BCAS4: variants seen among roughly 807,000 people sequenced by gnomAD.
BCAS4 encodes the protein breast carcinoma amplified sequence 4.
BCAS4 carries 9 observed loss-of-function variants against 15.7 expected under a neutral mutation model. That is an observed-to-expected ratio of 0.57 (90% CI 0.34 to 1.00). The LOEUF (loss-of-function observed/expected upper bound fraction) is 1.00, where lower values mean the gene tolerates loss of function less well. Among genes scored for constraint, BCAS4 ranks in the 50% least tolerant of loss-of-function variants. The probability of loss-of-function intolerance (pLI) is 0.02; values close to 1 mark genes in which losing one functional copy is unlikely to be tolerated. For synonymous variants in BCAS4, 101 were observed against 99.5 expected (o/e 1.02, Z -0.09); for missense variants, 225 against 239.1 (o/e 0.94, Z 0.39).
intron 4 of BCAS4, chr20:50,876,000 G>A: frequency 2.2e-6 from 1 of 455,908 alleles, no homozygotes. Context: ...TTTCTAGGTG[G>A]AGTGCAGTGG....
chr20:50,849,790 T>C (rs1369839568), intron 4 of BCAS4, among the ~76,000 whole-genome samples: 3 of 152,160 alleles, frequency 2.0e-5, no homozygotes, highest in African/African-American at 7.2e-5. Flanking sequence ...AATCTTCCCA[T>C]GTCAAAAAGT....
At chr20:50,862,551 G>A (rs920812594) in intron 4 of BCAS4, among the ~76,000 whole-genome samples, 2 of 145,480 alleles carry the variant, frequency 1.4e-5, no homozygotes, top group South Asian at 4.2e-4. Flanking sequence ...TGAGATGCAC[G>A]GGCACAGCCA....
intron 4 of BCAS4, chr20:50,875,946 C>G (rs1458302650): frequency 2.2e-6 from 1 of 456,090 alleles, no homozygotes; most frequent in Middle Eastern, 3.2e-4. Context: ...ATTGATCTGC[C>G]TGGCTTTTTC....
rs1009269169 is a variant in BCAS4, at chr20:50,859,983, A to G, written c.400-16503A>G. ...AGGGAGACCCCCATCTCAAAAGAAAAGAATTAGTTGGGCATAGTAGCATAT... is the reference window on the plus strand; with the variant it reads ...AGGGAGACCCCCATCTCAAAAGAAAGGAATTAGTTGGGCATAGTAGCATAT... On this transcript the variant is annotated intron_variant, in intron 4 of 4. Transcript: ENST00000371608. Among the ~76,000 whole-genome samples the G allele has an allele frequency of 6.0e-4, 91 of 152,124 alleles. 1 individual carries two copies. The highest frequency in any genetic ancestry group is 2.2e-3 in the African/African-American group (90 of 41,414).
At chr20:50,867,052 T>G (rs1979393339) in intron 4 of BCAS4, among the ~76,000 whole-genome samples, 1 of 152,088 alleles carries the variant, frequency 6.6e-6, no homozygotes, top group South Asian at 2.1e-4. Context: ...AAAAAAAAAT[T>G]ATAGAATTAG....
intron 4 of BCAS4, among the ~76,000 whole-genome samples, chr20:50,844,909 A>G (rs1018782382): frequency 8.5e-5 from 13 of 152,058 alleles, no homozygotes; most frequent in African/African-American, 3.1e-4. Flanking sequence ...CAGCAACCCC[A>G]GTGTGTTGTT....
chr20:50,838,391 G>A (rs775293545), intron 3 of BCAS4, among the ~76,000 whole-genome samples: 1 of 152,216 alleles, frequency 6.6e-6, no homozygotes, highest in Non-Finnish European at 1.5e-5. Context: ...TATGAGATCA[G>A]GTGCTCAGGG....
In BCAS4 at chr20:50,876,819, T is replaced by C; in HGVS notation, c.*211T>C. 4.0e-6 allele frequency: 2 copies of C among 497,188 alleles called. No homozygotes were observed. The highest frequency in any genetic ancestry group is 6.1e-6 in the Non-Finnish European group (2 of 325,408). The allele number at this position is 497,188 out of a possible 1,614,324, so 30.8% of individuals were successfully genotyped here. A position where few individuals can be genotyped will look rare whatever the true frequency, so the allele number is the denominator to read the frequency against. ...TTGGCCTTCCAAAGTGGTGGGATTA[T>C]GGGCAGGAGCCTCCGTGCCCAGGCT... On this transcript the variant is annotated 3_prime_UTR_variant, in exon 5 of 5. Transcript: ENST00000371608.
intron 4 of BCAS4, among the ~76,000 whole-genome samples, chr20:50,845,091 C>G (rs930720263): frequency 6.6e-6 from 1 of 152,122 alleles, no homozygotes; most frequent in Non-Finnish European, 1.5e-5. Context: ...GTAGTCGCCT[C>G]ACACCCCACC....
At chr20:50,842,243 G>T (rs1258797488) in intron 4 of BCAS4, among the ~76,000 whole-genome samples, 1 of 152,212 alleles carries the variant, frequency 6.6e-6, no homozygotes, top group Non-Finnish European at 1.5e-5. Context: ...CGGCCAGGTT[G>T]CCCTTCCTGA....
At position 50,841,917 on chromosome 20, in the gene BCAS4, G is replaced by A. The variant is rs370380983; in HGVS notation, c.399+17G>A. 64 of 1,546,084 alleles carry A rather than the reference G, an allele frequency of 4.1e-5. No homozygotes were observed. Among genetic ancestry groups the A allele is most frequent in the African/African-American group, 2.5e-4 (18 of 72,152 alleles). ...TTCAGGAACGTGAGTATCCTGCCCC[G>A]AGAAGTGAGGGGAGGGCCTCTCCCC... On this transcript the variant is annotated intron_variant, in intron 4 of 4. Transcript: ENST00000371608.
At chr20:50,835,597 C>G (rs918132831) in intron 3 of BCAS4, among the ~76,000 whole-genome samples, 1 of 152,092 alleles carries the variant, frequency 6.6e-6, no homozygotes, top group African/African-American at 2.4e-5. Context: ...GGAGCCAGGA[C>G]TGCTGAGGGA....
intron 4 of BCAS4, among the ~76,000 whole-genome samples, chr20:50,857,212 A>G (rs1412534909): frequency 6.6e-6 from 1 of 152,116 alleles, no homozygotes; most frequent in Non-Finnish European, 1.5e-5. Context: ...GCTCACCGCA[A>G]CCTGGGCCTC....
intron 1 of BCAS4, among the ~76,000 whole-genome samples, chr20:50,809,507 C>A (rs544354423): frequency 6.6e-6 from 1 of 152,104 alleles, no homozygotes; most frequent in Non-Finnish European, 1.5e-5. Context: ...CCGCACCCAG[C>A]CTTTATAGTA....
At chr20:50,814,036 A>G (rs1275760746) in intron 1 of BCAS4, among the ~76,000 whole-genome samples, 3 of 152,142 alleles carry the variant, frequency 2.0e-5, no homozygotes, top group African/African-American at 7.2e-5. Flanking sequence ...TTCTGAGGCC[A>G]CTTAGGGGAT....
intron 4 of BCAS4, among the ~76,000 whole-genome samples, chr20:50,863,821 G>A (rs1189224900): frequency 6.6e-6 from 1 of 152,192 alleles, no homozygotes; most frequent in East Asian, 1.9e-4. Context: ...GGGGACCCCT[G>A]AACCCAGCGA....
chr20:50,870,244 G>T (rs1979565920), intron 4 of BCAS4, among the ~76,000 whole-genome samples: 1 of 152,246 alleles, frequency 6.6e-6, no homozygotes, highest in Admixed American at 6.5e-5. Context: ...AACCAGGCAG[G>T]GTCAGGGATG....
chr20:50,864,602 C>T (rs1467738101), intron 4 of BCAS4, among the ~76,000 whole-genome samples: 1 of 151,740 alleles, frequency 6.6e-6, no homozygotes, highest in Non-Finnish European at 1.5e-5. Flanking sequence ...CCATACCTGG[C>T]TAAATTTTTT....
chr20:50,840,538 G>A (rs540895096), intron 3 of BCAS4: 2 of 1,464,844 alleles, frequency 1.4e-6, no homozygotes, highest in Non-Finnish European at 1.9e-6. Flanking sequence ...ATCTTACAGA[G>A]TTAAACAGCT....
Sources: allele counts gnomAD v4.1 joint callset (sites outside exome capture counted in the v4.1 genomes callset), GRCh38; gene constraint gnomAD v4.1.1; transcripts MANE v1.5; gene names NCBI Gene and HGNC (gene_info 2026-07-23, HGNC 2026-07-21).